DLGAP2: variants seen among roughly 807,000 people sequenced by gnomAD.
The protein encoded by DLGAP2 is DLG associated protein 2, also known as disks large-associated protein 2.
DLGAP2 carries 26 observed loss-of-function variants against 100.3 expected under a neutral mutation model. That is an observed-to-expected ratio of 0.26 (90% CI 0.19 to 0.36). DLGAP2 has a LOEUF of 0.36. DLGAP2 is among the 10% of genes least tolerant of loss of function. The pLI is 1.00. For synonymous variants in DLGAP2, 886 were observed against 630.1 expected, an observed-to-expected ratio of 1.41 and a Z score of -6.08; for missense variants, 1,858 against 1,453.2, an observed-to-expected ratio of 1.28 and a Z score of -4.53.
intron 2 of DLGAP2, among the ~76,000 whole-genome samples, chr8:1,083,884 TAATAA>T (rs1803889273): frequency 6.6e-6 from 1 of 152,234 alleles, no homozygotes; most frequent in African/African-American, 2.4e-5. Flanking sequence ...TCTAAGTGGC[TAATAA>T]AGAACTGTGT....
intron 2 of DLGAP2, among the ~76,000 whole-genome samples, chr8:927,881 C>T (rs1426744723): frequency 1.3e-5 from 2 of 152,232 alleles, no homozygotes; most frequent in African/African-American, 4.8e-5. Context: ...AAAAACCCCA[C>T]AAAGGACCAG....
At chr8:1,344,111 GT>G (rs1801486846) in intron 3 of DLGAP2, among the ~76,000 whole-genome samples, 1 of 149,564 alleles carries the variant, frequency 6.7e-6, no homozygotes, top group African/African-American at 2.6e-5. Flanking sequence ...GTGGGTCCAT[GT>G]ATTCGGGGCC....
chr8:1,156,912 C>G (rs142280238), intron 2 of DLGAP2, among the ~76,000 whole-genome samples: 1 of 152,302 alleles, frequency 6.6e-6, no homozygotes, highest in Non-Finnish European at 1.5e-5. Context: ...CTGCCGTCCA[C>G]TCAGGGTTCC....
chr8:959,056 A>G (rs949619636), intron 2 of DLGAP2, among the ~76,000 whole-genome samples: 4 of 152,242 alleles, frequency 2.6e-5, no homozygotes, highest in African/African-American at 9.6e-5. Flanking sequence ...TAATATCCAC[A>G]TAATTTTAAT....
intron 6 of DLGAP2, among the ~76,000 whole-genome samples, chr8:1,579,416 ATT>A (rs1803135059): frequency 6.6e-6 from 1 of 152,130 alleles, no homozygotes; most frequent in African/African-American, 2.4e-5. Context: ...ATGGGGCGTA[ATT>A]ATAAAGATAC....
intron 1 of DLGAP2, among the ~76,000 whole-genome samples, chr8:760,598 G>A (rs951548251): frequency 6.6e-6 from 1 of 152,190 alleles, no homozygotes; most frequent in African/African-American, 2.4e-5. Flanking sequence ...CTTTAACTCA[G>A]TGTTGTTGCT....
chr8:1,050,611 T>C (rs958240273), intron 2 of DLGAP2, among the ~76,000 whole-genome samples: 2 of 152,204 alleles, frequency 1.3e-5, no homozygotes, highest in African/African-American at 4.8e-5. Flanking sequence ...GTTCTTAGAC[T>C]ACAGGAATAG....
intron 2 of DLGAP2, among the ~76,000 whole-genome samples, chr8:938,068 T>C (rs938463577): frequency 1.3e-4 from 20 of 152,250 alleles, no homozygotes; most frequent in African/African-American, 4.6e-4. Flanking sequence ...TGCCGTGCAC[T>C]GTGAAAGAGG....
At chr8:961,822 G>A (rs1039164889) in intron 2 of DLGAP2, among the ~76,000 whole-genome samples, 4 of 152,162 alleles carry the variant, frequency 2.6e-5, no homozygotes, top group Admixed American at 1.3e-4. Context: ...AATAAGGGCA[G>A]GTTCTTATTG....
chr8:1,487,561 C>T (rs1394947124), intron 3 of DLGAP2, among the ~76,000 whole-genome samples: 1 of 152,176 alleles, frequency 6.6e-6, no homozygotes, highest in Admixed American at 6.5e-5. Context: ...GAAGGATGTG[C>T]TTTGTAAGCT....
chr8:1,447,101 T>A (rs887713472), intron 3 of DLGAP2, among the ~76,000 whole-genome samples: 1 of 152,232 alleles, frequency 6.6e-6, no homozygotes, highest in African/African-American at 2.4e-5. Flanking sequence ...TCCTGCCTAA[T>A]TGCCCTGGCC....
At chr8:1,479,962 TGA>T (rs1799043827) in intron 3 of DLGAP2, among the ~76,000 whole-genome samples, 2 of 152,332 alleles carry the variant, frequency 1.3e-5, no homozygotes, top group South Asian at 4.1e-4. Flanking sequence ...TTGTTTTTCA[TGA>T]GAGCTCCAGT....
chr8:749,511 A>G (rs1378590814), intron 1 of DLGAP2, among the ~76,000 whole-genome samples: 1 of 152,120 alleles, frequency 6.6e-6, no homozygotes, highest in Non-Finnish European at 1.5e-5. Flanking sequence ...TATTCAAAAC[A>G]TCCTTTTATA....
intron 3 of DLGAP2, among the ~76,000 whole-genome samples, chr8:1,485,356 A>T (rs569282602): frequency 3.3e-5 from 5 of 152,346 alleles, no homozygotes; most frequent in African/African-American, 1.2e-4. Context: ...TCTATGATTC[A>T]AATGCAGAAA....
intron 2 of DLGAP2, among the ~76,000 whole-genome samples, chr8:1,066,186 G>A (rs1024071473): frequency 2.0e-5 from 3 of 151,406 alleles, no homozygotes; most frequent in Admixed American, 1.3e-4. Context: ...TCCCCACCAC[G>A]GTCAGGTCTG....
intron 2 of DLGAP2, among the ~76,000 whole-genome samples, chr8:1,251,877 G>A (rs112477897): frequency 2.6e-5 from 4 of 152,250 alleles, no homozygotes; most frequent in Admixed American, 6.5e-5. Flanking sequence ...TTAGGGTCAT[G>A]TGTCCTGTAC....
At chr8:1,357,585 C>T (rs918500648) in intron 3 of DLGAP2, among the ~76,000 whole-genome samples, 7 of 152,098 alleles carry the variant, frequency 4.6e-5, no homozygotes, top group Admixed American at 2.6e-4. Flanking sequence ...AGAAAATATT[C>T]TTACAGTTCC....
At chr8:741,671 T>C (rs1820489324) in intron 1 of DLGAP2, among the ~76,000 whole-genome samples, 1 of 152,170 alleles carries the variant, frequency 6.6e-6, no homozygotes, top group Non-Finnish European at 1.5e-5. Context: ...CTCCAGTGTA[T>C]TTGCAGTTCA....
Position 1,564,066 on chromosome 8 carries a change from A to G in DLGAP2, c.1231-1617A>G, listed in dbSNP as rs541427136. 6.6e-5 allele frequency among the ~76,000 whole-genome samples: 10 copies of G among 152,296 alleles called. No individual in the cohort carries two copies. The South Asian group carries it at 1.9e-3, about 28-fold the overall frequency. ...TGCTATGTTAGTTCCTTGACTACAG[A>G]CTGTGGGTGATGAGCTAGTTGCTGT... On this transcript the variant is annotated intron_variant, in intron 5 of 14. Coordinates refer to ENST00000637795, the MANE Select transcript of DLGAP2 (RefSeq NM_001346810.2).
Sources: allele counts gnomAD v4.1 joint callset (sites outside exome capture counted in the v4.1 genomes callset), GRCh38; gene constraint gnomAD v4.1.1; transcripts MANE v1.5; gene names NCBI Gene and HGNC (gene_info 2026-07-23, HGNC 2026-07-21).